Variants in RFX3 observed in about 807,000 individuals in gnomAD.
The protein encoded by RFX3 is transcription factor RFX3.
In RFX3, 14 loss-of-function variants were observed where a neutral mutation model predicts 98.6. The observed-to-expected ratio is 0.14, with a 90% CI of 0.09 to 0.22. The LOEUF (loss-of-function observed/expected upper bound fraction) is 0.22. Among genes scored for constraint, RFX3 ranks in the 10% least tolerant of loss-of-function variants. The pLI is 1.00. For missense variants in RFX3, 639 were observed against 926.9 expected (o/e 0.69, Z 4.03); for synonymous variants, 383 against 328.4 (o/e 1.17, Z -1.80).
At chr9:3,403,459 C>T (rs1222813143) in intron 1 of RFX3, among the ~76,000 whole-genome samples, 1 of 152,012 alleles carries the variant, frequency 6.6e-6, no homozygotes, top group Non-Finnish European at 1.5e-5. Context: ...ATAGTGTAGA[C>T]TGTTCAGCAG....
At chr9:3,333,686 T>C (rs1832849070) in intron 3 of RFX3, among the ~76,000 whole-genome samples, 1 of 152,198 alleles carries the variant, frequency 6.6e-6, no homozygotes, top group Non-Finnish European at 1.5e-5. Flanking sequence ...CTAATGTTGA[T>C]ATTTAAGTAT....
chr9:3,462,419 A>G (rs1289905810), intron 1 of RFX3, among the ~76,000 whole-genome samples: 1 of 152,054 alleles, frequency 6.6e-6, no homozygotes, highest in African/African-American at 2.4e-5. Context: ...AGGCATCCAG[A>G]AAGAAACTAT....
At chr9:3,236,616 G>A (rs949741716) in intron 15 of RFX3, among the ~76,000 whole-genome samples, 2 of 152,302 alleles carry the variant, frequency 1.3e-5, no homozygotes, top group South Asian at 2.1e-4. Context: ...GCAGTCAGAG[G>A]CCAAGGTGCT....
chr9:3,383,564 A>T (rs1839413431), intron 2 of RFX3, among the ~76,000 whole-genome samples: 1 of 152,146 alleles, frequency 6.6e-6, no homozygotes, highest in African/African-American at 2.4e-5. Flanking sequence ...AAAATGGCTA[A>T]AGCAAGGTAT....
chr9:3,304,363 T>C (rs1381284999), intron 4 of RFX3, among the ~76,000 whole-genome samples: 1 of 152,026 alleles, frequency 6.6e-6, no homozygotes, highest in Non-Finnish European at 1.5e-5. Flanking sequence ...GACTGTCATA[T>C]ATAAGGTTGT....
At chr9:3,258,535 T>A (rs1256815731) in intron 13 of RFX3, among the ~76,000 whole-genome samples, 4 of 152,096 alleles carry the variant, frequency 2.6e-5, no homozygotes, top group African/African-American at 9.6e-5. Flanking sequence ...GTTTCTTCTA[T>A]ATCTCAGCTG....
At chr9:3,232,175 C>A (rs1447564454) in intron 15 of RFX3, among the ~76,000 whole-genome samples, 1 of 152,170 alleles carries the variant, frequency 6.6e-6, no homozygotes, top group Non-Finnish European at 1.5e-5. Flanking sequence ...TGCAGCATCA[C>A]AAATTGGGAA....
chr9:3,335,283 T>C (rs1283714879), intron 3 of RFX3, among the ~76,000 whole-genome samples: 3 of 152,062 alleles, frequency 2.0e-5, no homozygotes, highest in African/African-American at 7.2e-5. Context: ...CTAAATACTT[T>C]AAGCTCCTGA....
intron 2 of RFX3, among the ~76,000 whole-genome samples, chr9:3,378,049 T>C (rs1838745358): frequency 6.6e-6 from 1 of 152,192 alleles, no homozygotes; most frequent in Non-Finnish European, 1.5e-5. Context: ...AAGTATCCTG[T>C]TCATTGAGGC....
chr9:3,358,948 A>C (rs113752489), intron 2 of RFX3, among the ~76,000 whole-genome samples: 2,588 of 152,064 alleles, frequency 0.017, 86 homozygotes, highest in African/African-American at 0.059. Flanking sequence ...AACTGCTCCC[A>C]TGATTCAATT....
rs1265763124 is a variant in RFX3, at chr9:3,277,454, G to C, written c.859C>G (p.Pro287Ala). Reference protein sequence around the residue: ...QPMQQKQRYKPMQKVDGVADG... With the variant: ...QPMQQKQRYKAMQKVDGVADG... ...GCAACCCCATCCACTTTCTGCATAG[G>C]CTTGTACCTAAAAATATTAGATGGA... is the stretch of plus-strand genomic sequence containing the variant. The change falls in exon 8 of 17, where the codon CCT becomes GCT. Residue 287 changes from proline (P) to alanine (A), a missense_variant. By Grantham distance (27) the Pro-to-Ala change is conservative. This residue lies in a region of RFX3 where 86 missense variants were observed against 113.2 expected (regional missense o/e 0.76). Coordinates refer to ENST00000617270, the MANE Select transcript of RFX3 (RefSeq NM_001282116.2). 3 of 1,611,386 alleles carry C rather than the reference G, an allele frequency of 1.9e-6. No individual in the cohort carries two copies. Among genetic ancestry groups the C allele is most frequent in the Non-Finnish European group, 1.7e-6 (2 of 1,178,174 alleles).
intron 15 of RFX3, among the ~76,000 whole-genome samples, chr9:3,235,891 A>G (rs1344686046): frequency 1.3e-5 from 2 of 152,168 alleles, no homozygotes; most frequent in African/African-American, 4.8e-5. Context: ...ATAACTTAAT[A>G]TATTCACAGG....
At chr9:3,259,929 T>C (rs903091219) in intron 13 of RFX3, among the ~76,000 whole-genome samples, 3 of 152,082 alleles carry the variant, frequency 2.0e-5, no homozygotes, top group Admixed American at 6.6e-5. Flanking sequence ...ATCATTCTTA[T>C]ATTGTCAGAT....
intron 4 of RFX3, among the ~76,000 whole-genome samples, chr9:3,311,162 AT>A (rs1411651695): frequency 1.3e-5 from 2 of 152,298 alleles, no homozygotes; most frequent in African/African-American, 4.8e-5. Context: ...AAAACTGTAA[AT>A]TTTTTAGAGA....
At chr9:3,268,213 T>C (rs958510120) in intron 11 of RFX3, among the ~76,000 whole-genome samples, 1 of 151,828 alleles carries the variant, frequency 6.6e-6, no homozygotes, top group African/African-American at 2.4e-5. Flanking sequence ...TAAATTAGTG[T>C]GATGTGCAGA....
At chr9:3,373,948 T>G (rs143496468) in intron 2 of RFX3, among the ~76,000 whole-genome samples, 6,360 of 151,954 alleles carry the variant, frequency 0.042, 447 homozygotes, top group African/African-American at 0.14. Flanking sequence ...AGTGGTGGCA[T>G]GCGCCTGTAG....
chr9:3,284,813 A>C (rs1826363930), intron 7 of RFX3, among the ~76,000 whole-genome samples: 1 of 151,730 alleles, frequency 6.6e-6, no homozygotes, highest in African/African-American at 2.4e-5. Flanking sequence ...GAATGGCTTT[A>C]TCTTTTCAAC....
At position 3,221,578 on chromosome 9, in the gene RFX3, G is replaced by T. The variant is rs537854549; in HGVS notation, c.*3464C>A. ...AGGAAAGCAGATTTCTGAAAAGGCA[G>T]TAAGACTTATACAGTCAGTCCAAAC... On this transcript the variant is annotated 3_prime_UTR_variant, in exon 17 of 17. Coordinates refer to ENST00000617270, the MANE Select transcript of RFX3 (RefSeq NM_001282116.2). 6.6e-6 allele frequency: 1 copy of T among 152,288 alleles called. No homozygotes were observed. Among genetic ancestry groups the T allele is most frequent in the East Asian group, 1.9e-4 (1 of 5,180 alleles). 9.4% of individuals were successfully genotyped at this position (152,288 alleles called of 1,614,324 possible).
chr9:3,341,709 G>A (rs1029739650), intron 3 of RFX3, among the ~76,000 whole-genome samples: 5 of 152,096 alleles, frequency 3.3e-5, no homozygotes, highest in African/African-American at 1.2e-4. Flanking sequence ...GCCCTTCCAT[G>A]GTCTTTTCCA....
Sources: allele counts gnomAD v4.1 joint callset (sites outside exome capture counted in the v4.1 genomes callset), GRCh38; gene constraint gnomAD v4.1.1; regional missense constraint gnomAD v4.1.1; transcripts MANE v1.5; gene names NCBI Gene and HGNC (gene_info 2026-07-23, HGNC 2026-07-21).